Variants in HERC3 observed in about 807,000 individuals in gnomAD.
HERC3 encodes probable E3 ubiquitin-protein ligase HERC3.
Under a neutral mutation model 129.9 loss-of-function variants are expected in HERC3, and 58 were observed. The ratio of observed to expected loss-of-function variants is 0.45; its 90% CI spans 0.36 to 0.56. The LOEUF is 0.56. HERC3 is among the 20% of genes least tolerant of loss of function. The pLI is 0.00. For missense variants in HERC3, 835 were observed against 1,244.2 expected, an observed-to-expected ratio of 0.67 and a Z score of 4.95; for synonymous variants, 430 against 451.0, an observed-to-expected ratio of 0.95 and a Z score of 0.59.
chr4:88,679,117 A>C (rs896502196), intron 19 of HERC3, among the ~76,000 whole-genome samples: 2 of 152,204 alleles, frequency 1.3e-5, no homozygotes, highest in Admixed American at 6.5e-5. Flanking sequence ...TTATCTATGA[A>C]ATGGGGATGA....
intron 3 of HERC3, among the ~76,000 whole-genome samples, chr4:88,608,213 G>C (rs1723888519): frequency 6.6e-6 from 1 of 152,160 alleles, no homozygotes; most frequent in African/African-American, 2.4e-5. Flanking sequence ...TTGGAAAGAG[G>C]GCTGCAGGGC....
intron 3 of HERC3, among the ~76,000 whole-genome samples, chr4:88,635,495 G>A (rs1459859616): frequency 6.6e-6 from 1 of 151,868 alleles, no homozygotes; most frequent in Non-Finnish European, 1.5e-5. Flanking sequence ...GAGAAATATG[G>A]GACTATGTAA....
rs191178012 is a variant in HERC3 at position 88,690,417 on chromosome 4, C to G, written c.2657+3118C>G. On this transcript the variant is annotated intron_variant, in intron 23 of 25. Transcript: ENST00000402738. ...GTGTGAGTACGTATGTAGATACATA[C>G]GTAACCTTTAGTCTTTCAAACAATG... 1.6e-5 allele frequency: 16 copies of G among 984,988 alleles called. No individual in the cohort carries two copies. In the Middle Eastern group the frequency reaches 2.1e-3, roughly 129 times the overall value. 61.0% of individuals were successfully genotyped at this position (984,988 alleles called of 1,614,324 possible). A position where few individuals can be genotyped will look rare whatever the true frequency, so the allele number is the denominator to read the frequency against.
the HERC3 span, among the ~76,000 whole-genome samples, chr4:88,577,794 T>C: frequency 6.6e-6 from 1 of 152,040 alleles, no homozygotes; most frequent in Admixed American, 6.5e-5. Context: ...GATGAAACAA[T>C]TCAAAAGGTA....
chr4:88,595,057 G>A (rs1230845673), intron 1 of HERC3, among the ~76,000 whole-genome samples: 1 of 142,712 alleles, frequency 7.0e-6, no homozygotes, highest in Non-Finnish European at 1.5e-5. Flanking sequence ...AGCCGAGATC[G>A]GCCACTGCAC....
At chr4:88,639,016 T>A (rs979583952) in intron 3 of HERC3, among the ~76,000 whole-genome samples, 2 of 151,990 alleles carry the variant, frequency 1.3e-5, no homozygotes, top group African/African-American at 4.8e-5. Context: ...ATAAAATACC[T>A]AGGAATACAG....
intron 16 of HERC3, among the ~76,000 whole-genome samples, chr4:88,671,480 C>G (rs142078019): frequency 3.3e-5 from 5 of 152,176 alleles, no homozygotes; most frequent in African/African-American, 1.2e-4. Context: ...AAAATGCATA[C>G]AATGTTTTAT....
At chr4:88,683,485 GC>G (rs59587954) in intron 21 of HERC3, among the ~76,000 whole-genome samples, 5,744 of 152,246 alleles carry the variant, frequency 0.038, 309 homozygotes, top group East Asian at 0.27. Flanking sequence ...AGGCTAGAGA[GC>G]AACAGAAATG....
At chr4:88,654,353 T>TATATATA (rs1242491769) in intron 7 of HERC3, among the ~76,000 whole-genome samples, 2 of 40,996 alleles carry the variant, frequency 4.9e-5, no homozygotes, top group African/African-American at 3.9e-4. Context: ...ATTTTTCATA[T>TATATATA]ATATATATAT....
chr4:88,652,982 G>T lies in HERC3; in HGVS notation c.577G>T (p.Ala193Ser), dbSNP rs1408550332. Residue 193 changes from alanine (A) to serine (S), a missense_variant, in exon 6 of 26, where the codon GCT becomes TCT. By Grantham distance (99) the Ala-to-Ser change is moderately conservative. Coordinates refer to ENST00000402738, the MANE Select transcript of HERC3 (RefSeq NM_014606.3). ...GAGGTCCCTGGAGGGGATCCCACTG[G>T]CTCAGGTGGCTGCCGGAGGGGCTCA... ...RVRSLEGIPL[A>S]QVAAGGAHSF... The T allele has an allele frequency of 1.9e-6, 3 of 1,614,216 alleles. No homozygotes were observed. The highest frequency in any genetic ancestry group is 1.1e-5 in the South Asian group (1 of 91,086).
chr4:88,598,605 A>C (rs548608287), intron 2 of HERC3, among the ~76,000 whole-genome samples: 17 of 152,210 alleles, frequency 1.1e-4, no homozygotes, highest in Non-Finnish European at 1.6e-4. Context: ...TTTACTGGTC[A>C]CTTACTACTA....
At chr4:88,593,156 G>A (rs1330533475) in intron 1 of HERC3, 2 of 152,112 alleles carry the variant, frequency 1.3e-5, no homozygotes, top group Non-Finnish European at 1.5e-5. Context: ...AGGGCTGCGG[G>A]GCCCGGCACC....
At chr4:88,687,118 AACT>A in intron 22 of HERC3, 96 bp from the exon 23 acceptor site, 1 of 852,306 alleles carries the variant, frequency 1.2e-6, no homozygotes, top group East Asian at 2.7e-5. Context: ...ATAGTCATGA[AACT>A]ACATTTGTTC....
the HERC3 span, among the ~76,000 whole-genome samples, chr4:88,561,858 G>A: frequency 2.0e-5 from 3 of 151,864 alleles, no homozygotes; most frequent in African/African-American, 7.3e-5. Context: ...CTTTTTTATG[G>A]CTAAATAGTA....
At chr4:88,667,816 T>C in intron 13 of HERC3, 76 bp from the exon 14 acceptor site, 1 of 1,087,486 alleles carries the variant, frequency 9.2e-7, no homozygotes, top group East Asian at 2.4e-5. Context: ...GTCTATCAAA[T>C]AGCTTATGAA....
intron 3 of HERC3, among the ~76,000 whole-genome samples, chr4:88,610,409 C>T (rs998159605): frequency 1.3e-5 from 2 of 149,840 alleles, no homozygotes; most frequent in African/African-American, 4.9e-5. Flanking sequence ...GCCGAGATCA[C>T]GCCACTGGCA....
chr4:88,625,552 A>G (rs1374892131), intron 3 of HERC3, among the ~76,000 whole-genome samples: 1 of 152,168 alleles, frequency 6.6e-6, no homozygotes, highest in Non-Finnish European at 1.5e-5. Context: ...CTCTCTTATT[A>G]GCTCTATTAG....
chr4:88,587,773 GT>G (rs141346704), upstream of HERC3, among the ~76,000 whole-genome samples: 902 of 152,316 alleles, frequency 5.9e-3, 10 homozygotes, highest in African/African-American at 0.021. Flanking sequence ...CTCTAGAAGG[GT>G]GAGACAGCTG....
chr4:88,545,531 C>T, the HERC3 span, among the ~76,000 whole-genome samples: 3 of 148,982 alleles, frequency 2.0e-5, no homozygotes, highest in Admixed American at 6.7e-5. Flanking sequence ...CTCTTGGACT[C>T]GAGTGATCCT....
Sources: allele counts gnomAD v4.1 joint callset (sites outside exome capture counted in the v4.1 genomes callset), GRCh38; gene constraint gnomAD v4.1.1; transcripts MANE v1.5; gene names NCBI Gene and HGNC (gene_info 2026-07-23, HGNC 2026-07-21).